The following CNTN5 variants were observed in gnomAD, a reference collection of about 807,000 sequenced individuals.
CNTN5 encodes the protein contactin-5.
A neutral mutation model predicts 129.1 loss-of-function variants in CNTN5; 77 were observed. That is an observed-to-expected ratio of 0.60 (90% CI 0.50 to 0.72). CNTN5 has a LOEUF of 0.72. CNTN5 is among the 30% of genes least tolerant of loss of function. CNTN5 has a pLI of 0.00. For missense variants in CNTN5, 1,478 were observed against 1,328.8 expected, an observed-to-expected ratio of 1.11 and a Z score of -1.75; for synonymous variants, 509 against 465.6, an observed-to-expected ratio of 1.09 and a Z score of -1.20.
At chr11:99,692,924 A>G (rs904191092) in intron 3 of CNTN5, among the ~76,000 whole-genome samples, 2 of 152,148 alleles carry the variant, frequency 1.3e-5, no homozygotes, top group African/African-American at 4.8e-5. Flanking sequence ...GCTGGGAGAA[A>G]GGGTTACAGC....
At chr11:99,342,845 A>G (rs1247400711) in intron 2 of CNTN5, among the ~76,000 whole-genome samples, 7 of 152,158 alleles carry the variant, frequency 4.6e-5, no homozygotes, top group Non-Finnish European at 4.4e-5. Context: ...ATTAATTAGA[A>G]CCAGACAAAC....
chr11:99,706,826 T>G (rs1425009296), intron 3 of CNTN5, among the ~76,000 whole-genome samples: 1 of 148,124 alleles, frequency 6.8e-6, no homozygotes, highest in African/African-American at 2.5e-5. Context: ...AATGTTGATT[T>G]ATTTGTGTCT....
intron 3 of CNTN5, among the ~76,000 whole-genome samples, chr11:99,769,876 G>T (rs1357447475): frequency 1.3e-5 from 2 of 151,512 alleles, no homozygotes; most frequent in Non-Finnish European, 2.9e-5. Context: ...AGTCTAATAT[G>T]GTATAGACAA....
intron 15 of CNTN5, among the ~76,000 whole-genome samples, chr11:100,203,616 C>T (rs1384013478): frequency 6.6e-6 from 1 of 151,782 alleles, no homozygotes; most frequent in Non-Finnish European, 1.5e-5. Context: ...TTACTAATTC[C>T]ATTTTGAATC....
At chr11:99,813,324 TCTG>T (rs1339155337) in intron 3 of CNTN5, among the ~76,000 whole-genome samples, 4 of 152,146 alleles carry the variant, frequency 2.6e-5, no homozygotes, top group African/African-American at 9.7e-5. Context: ...TCAAACCTAC[TCTG>T]CTATTTCTTT....
rs561767145 is a variant in CNTN5, at chr11:100,173,865, A to T, written c.1581-17261A>T. ...TAAGACGCTGGTCCCTTGCCTGCTC[A>T]TTCTGTCCTACTTTGATACACAGAG... On this transcript the variant is annotated intron_variant, in intron 13 of 24. Transcript: ENST00000524871. Among the ~76,000 whole-genome samples the T allele has an allele frequency of 2.0e-5, 3 of 152,240 alleles. No individual in the cohort carries two copies. In the East Asian group the frequency reaches 5.8e-4, roughly 30 times the overall value.
intron 2 of CNTN5, among the ~76,000 whole-genome samples, chr11:99,446,404 T>G (rs545595387): frequency 3.0e-4 from 46 of 152,342 alleles, no homozygotes; most frequent in African/African-American, 1.0e-3. Flanking sequence ...CATTTATATT[T>G]TCACTTGGTT....
intron 3 of CNTN5, among the ~76,000 whole-genome samples, chr11:99,704,022 A>C (rs1343814454): frequency 1.3e-5 from 2 of 150,892 alleles, no homozygotes; most frequent in East Asian, 3.9e-4. Flanking sequence ...TAATAAATGA[A>C]GGCAATAAAT....
rs1939536910 is a variant in CNTN5, at chr11:99,997,534, G to A, written c.878-4500G>A. Among the ~76,000 whole-genome samples, 3 of 152,272 alleles carry A rather than the reference G, an allele frequency of 2.0e-5. No individual in the cohort carries two copies. In the South Asian group the frequency reaches 6.2e-4, roughly 32 times the overall value. On this transcript the variant is annotated intron_variant, in intron 8 of 24. Coordinates refer to ENST00000524871, the MANE Select transcript of CNTN5 (RefSeq NM_014361.4). ...ATCAATAGCTTGCCAACCAAAAAGA[G>A]CCCAGGACGAGATGGATTCACAGCC...
chr11:99,802,032 G>T (rs1049249377), intron 3 of CNTN5, among the ~76,000 whole-genome samples: 5 of 152,102 alleles, frequency 3.3e-5, no homozygotes, highest in African/African-American at 9.7e-5. Flanking sequence ...GTGCATTAGG[G>T]TTTTCTCTTC....
chr11:99,294,834 C>T (rs1409093179), intron 1 of CNTN5, among the ~76,000 whole-genome samples: 2 of 152,156 alleles, frequency 1.3e-5, no homozygotes, highest in African/African-American at 4.8e-5. Context: ...AACTGATTGG[C>T]AGAATTCTGA....
chr11:99,394,917 A>T (rs1473865400), intron 2 of CNTN5, among the ~76,000 whole-genome samples: 1 of 151,856 alleles, frequency 6.6e-6, no homozygotes, highest in Non-Finnish European at 1.5e-5. Flanking sequence ...TATATGGACC[A>T]CATTGTCTTT....
intron 2 of CNTN5, among the ~76,000 whole-genome samples, chr11:99,397,696 TTTGTTTGTAGACCAC>T (rs1232399663): frequency 6.6e-6 from 1 of 151,850 alleles, no homozygotes; most frequent in Non-Finnish European, 1.5e-5. Flanking sequence ...TGCTTGTTTG[TTTGTTTGTAGACCAC>T]TTCCTTTTTT....
intron 1 of CNTN5, among the ~76,000 whole-genome samples, chr11:99,086,432 C>G (rs963065511): frequency 1.3e-5 from 2 of 152,160 alleles, no homozygotes; most frequent in African/African-American, 4.8e-5. Flanking sequence ...CTGGTGAGGT[C>G]TCAGGAAGCT....
chr11:99,196,157 TA>T (rs1213626487), intron 1 of CNTN5, among the ~76,000 whole-genome samples: 484 of 145,242 alleles, frequency 3.3e-3, no homozygotes, highest in African/African-American at 7.9e-3. Flanking sequence ...TGACTTACAG[TA>T]AAAAAAAAAA....
At chr11:99,708,574 A>G (rs984691809) in intron 3 of CNTN5, among the ~76,000 whole-genome samples, 1 of 151,780 alleles carries the variant, frequency 6.6e-6, no homozygotes, top group Non-Finnish European at 1.5e-5. Context: ...AAAAGGCACC[A>G]TTCTGATCTA....
At chr11:99,943,864 G>A (rs1228948124) in intron 7 of CNTN5, among the ~76,000 whole-genome samples, 1 of 152,034 alleles carries the variant, frequency 6.6e-6, no homozygotes, top group Non-Finnish European at 1.5e-5. Flanking sequence ...TGTTATTTCT[G>A]AGGCCTCTGT....
chr11:99,774,571 C>T (rs1256769657), intron 3 of CNTN5, among the ~76,000 whole-genome samples: 1 of 151,828 alleles, frequency 6.6e-6, no homozygotes, highest in Non-Finnish European at 1.5e-5. Context: ...AGCTAGGAGG[C>T]CTACATTGTC....
intron 3 of CNTN5, among the ~76,000 whole-genome samples, chr11:99,661,590 C>T (rs929561350): frequency 2.0e-5 from 3 of 151,756 alleles, no homozygotes; most frequent in Non-Finnish European, 4.4e-5. Flanking sequence ...GCATAACAAC[C>T]ACTATCACCA....
Sources: allele counts gnomAD v4.1 joint callset (sites outside exome capture counted in the v4.1 genomes callset), GRCh38; gene constraint gnomAD v4.1.1; transcripts MANE v1.5; gene names NCBI Gene and HGNC (gene_info 2026-07-23, HGNC 2026-07-21).